The following DMPK variants were observed in gnomAD, a reference collection of about 807,000 sequenced individuals.
DMPK encodes DM1 protein kinase.
In DMPK, 32 loss-of-function variants were observed where a neutral mutation model predicts 70.3. The observed-to-expected ratio is 0.46, with a 90% CI of 0.34 to 0.61. The LOEUF (loss-of-function observed/expected upper bound fraction) is 0.61, where lower values mean the gene tolerates loss of function less well. Among genes scored for constraint, DMPK ranks in the 20% least tolerant of loss-of-function variants. The pLI is 0.01. For missense variants in DMPK, 899 were observed against 886.0 expected, an observed-to-expected ratio of 1.01 and a Z score of -0.19; for synonymous variants, 469 against 390.9, an observed-to-expected ratio of 1.20 and a Z score of -2.36.
intron 10 of DMPK, among the ~76,000 whole-genome samples, 183 bp from the exon 11 acceptor site, chr19:45,772,111 T>A (rs1190435287): frequency 1.4e-5 from 2 of 148,084 alleles, no homozygotes; most frequent in African/African-American, 5.0e-5. Flanking sequence ...CTCAGCCCCA[T>A]CCCTGAGTCT....
chr19:45,770,872 C>T (rs1969366440), intron 14 of DMPK, 99 bp downstream of exon 14: 1 of 1,062,518 alleles, frequency 9.4e-7, no homozygotes, highest in Non-Finnish European at 1.3e-6. Context: ...GCCCTCCTGC[C>T]GTGGGCCCAG....
In DMPK at chr19:45,769,739, T is replaced by A. The variant is rs1238034130; in HGVS notation, c.*749A>T. On this transcript the variant is annotated 3_prime_UTR_variant, in exon 15 of 15. Coordinates refer to ENST00000291270, the MANE Select transcript of DMPK (RefSeq NM_004409.5). ...AGCTTTGGGCAGATGGAGGGCCTTT[T>A]ATTCGCGAGGGTCGGGGGTGGGGGT... The A allele has an allele frequency of 6.5e-6, 1 of 152,746 alleles. No homozygotes were observed. The highest frequency in any genetic ancestry group is 1.6e-4 in the South Asian group (1 of 6,420). 9.5% of individuals were successfully genotyped at this position (152,746 alleles called of 1,614,324 possible).
rs749533341 is a variant in DMPK, at chr19:45,771,572, G to A, written c.1596C>T (p.Ala532=). 1 of 1,613,988 alleles carries A rather than the reference G, an allele frequency of 6.2e-7. No homozygotes were observed. Among genetic ancestry groups the A allele is most frequent in the Non-Finnish European group, 8.5e-7 (1 of 1,179,966 alleles). ...ERMELLQAEG[A]TAVTGVPSPR... is the part of the protein sequence containing the mutation. ...GGGGACACATGAGGGACTCACCTGT[G>A]GCTCCCTCTGCCTGCAGCAACTCCA... The change falls in exon 12 of 15, where the codon GCC becomes GCT. Residue 532 remains alanine, a synonymous_variant. Coordinates refer to ENST00000291270, the MANE Select transcript of DMPK (RefSeq NM_004409.5).
At position 45,771,759 on chromosome 19, in the gene DMPK, C is replaced by T. The variant is rs568124260; in HGVS notation, c.1502+12G>A. The T allele has an allele frequency of 1.4e-5, 22 of 1,583,988 alleles. No homozygotes were observed. The African/African-American group carries it at 2.0e-4, about 15-fold the overall frequency. On this transcript the variant is annotated intron_variant, in intron 11 of 14. Coordinates refer to ENST00000291270, the MANE Select transcript of DMPK (RefSeq NM_004409.5). ...CCCGCATCCCGGCCCCGGCCCCGGC[C>T]CCGATCCCGACCTGGCGAAGTTCTG...
chr19:45,777,838 G>A lies in DMPK; in HGVS notation c.711C>T (p.Tyr237=), dbSNP rs774037322. ...RSLVAVGTPD[Y]LSPEILQAVG... ...CAGCCTGCAGGATCTCGGGGGACAG[G>A]TAGTCTGGGGTGCCCACAGCCACCA... Residue 237 remains tyrosine (Y), a synonymous_variant, in exon 7 of 15, where the codon TAC becomes TAT. Transcript: ENST00000291270. The surrounding 1 kb of genome is among the most constrained non-coding windows in gnomAD (Gnocchi z 6.7). The A allele has an allele frequency of 1.2e-6, 2 of 1,610,838 alleles. No individual in the cohort carries two copies. Among genetic ancestry groups the A allele is most frequent in the African/African-American group, 2.7e-5 (2 of 74,924 alleles).
At chr19:45,776,728 G>A (rs1969792681) in intron 8 of DMPK, 1 of 152,816 alleles carries the variant, frequency 6.5e-6, no homozygotes, top group African/African-American at 2.4e-5. Flanking sequence ...CCAAATTGCT[G>A]GGGTTACAGG....
At chr19:45,773,041 T>G (rs1023123631) in intron 9 of DMPK, among the ~76,000 whole-genome samples, 1 of 152,180 alleles carries the variant, frequency 6.6e-6, no homozygotes, top group Non-Finnish European at 1.5e-5. Context: ...GCTCATCTCC[T>G]CCCTTGACAT....
chr19:45,772,435 C>A (rs999922186), intron 10 of DMPK: 1 of 458,984 alleles, frequency 2.2e-6, no homozygotes, highest in Non-Finnish European at 3.8e-6. Flanking sequence ...CTTCTCAGAT[C>A]CCCAGCAACA....
In DMPK at chr19:45,770,973, T is replaced by A. The variant is rs928934090; in HGVS notation, c.1735A>T (p.Arg579Trp). The A allele has an allele frequency of 1.4e-6, 2 of 1,426,438 alleles. No individual in the cohort carries two copies. The highest frequency in any genetic ancestry group is 9.1e-7 in the Non-Finnish European group (1 of 1,095,122). The allele number at this position is 1,426,438 out of a possible 1,614,324, so 88.4% of individuals were successfully genotyped here. A position where few individuals can be genotyped will look rare whatever the true frequency, so the allele number is the denominator to read the frequency against. The change falls in exon 14 of 15, where the codon AGG (arginine) becomes TGG (tryptophan). Residue 579 changes from arginine to tryptophan, a missense_variant and splice_region_variant. Transcript: ENST00000291270. Reference sequence around the variant, plus strand: ...GGGGCGTGGGCAGCCGGACGTACCCTGGCAGGGAGCAGCAGGTGGCGGCGG... The same window carrying A: ...GGGGCGTGGGCAGCCGGACGTACCCAGGCAGGGAGCAGCAGGTGGCGGCGG... Reference protein sequence around the residue: ...MHRRHLLLPARVPRPGLSEAL... With the variant: ...MHRRHLLLPAWVPRPGLSEAL...
chr19:45,773,210 G>A (rs949715986), intron 9 of DMPK, among the ~76,000 whole-genome samples: 3 of 152,178 alleles, frequency 2.0e-5, no homozygotes, highest in African/African-American at 7.2e-5. Flanking sequence ...CTCAGCTGTG[G>A]GAAGGGGACA....
At chr19:45,779,966 T>G (rs1183114977) in intron 1 of DMPK, 97 bp from the exon 2 acceptor site, 2 of 1,585,976 alleles carry the variant, frequency 1.3e-6, no homozygotes, top group African/African-American at 2.7e-5. Context: ...CCCTTCTCTC[T>G]GCCTCTCAGC....
chr19:45,775,110 T>C (rs982400603), intron 8 of DMPK, 76 bp from the exon 9 acceptor site: 8 of 1,207,450 alleles, frequency 6.6e-6, no homozygotes, highest in Admixed American at 1.9e-5. Context: ...GGCTTACATG[T>C]TCCCCCCAAA....
intron 10 of DMPK, 128 bp downstream of exon 10, chr19:45,772,513 C>T (rs1969523596): frequency 1.7e-6 from 1 of 577,674 alleles, no homozygotes; most frequent in East Asian, 3.5e-5. Context: ...AACCTCGTCT[C>T]TCCGTGGTTT....
rs994886173 is a variant in DMPK at position 45,771,687 on chromosome 19, G to A, written c.1503-22C>T. Reference sequence around the variant, plus strand: ...TTGACTGTGGGGAGGTAAGGACGGTGAGTCCGTCCGGGCCGGACGAGAGGG... The same window carrying A: ...TTGACTGTGGGGAGGTAAGGACGGTAAGTCCGTCCGGGCCGGACGAGAGGG... On this transcript the variant is annotated intron_variant, in intron 11 of 14. Transcript: ENST00000291270. 20 of 1,613,244 alleles carry A rather than the reference G, an allele frequency of 1.2e-5. No individual in the cohort carries two copies. The African/African-American group carries it at 2.1e-4, about 17-fold the overall frequency.
chr19:45,775,077 G>T (rs752005444), intron 8 of DMPK, 43 bp from the exon 9 acceptor site: 3 of 1,495,972 alleles, frequency 2.0e-6, no homozygotes, highest in Non-Finnish European at 2.8e-6. Context: ...GTCAGGGCGG[G>T]CCCCTCACTG....
intron 10 of DMPK, 94 bp from the exon 11 acceptor site, chr19:45,772,022 C>T (rs1011093672): frequency 1.3e-5 from 19 of 1,427,644 alleles, no homozygotes; most frequent in Non-Finnish European, 1.8e-5. Flanking sequence ...TGTTTATCCC[C>T]TACTCCTCCG....
chr19:45,770,626 G>A lies in DMPK; in HGVS notation c.1752C>T (p.Gly584=), dbSNP rs765695758. 19 of 1,552,352 alleles carry A rather than the reference G, an allele frequency of 1.2e-5. No homozygotes were observed. In the South Asian group the frequency reaches 2.0e-4, roughly 17 times the overall value. Residue 584 remains glycine, a synonymous_variant, in exon 15 of 15, where the codon GGC becomes GGT. Coordinates refer to ENST00000291270, the MANE Select transcript of DMPK (RefSeq NM_004409.5). ...GGAGCAGGGAAAGCGCCTCCGATAG[G>A]CCAGGCCTAGGGACCTGCGGGGAGA... ...LLLPARVPRP[G]LSEALSLLLF...
In DMPK at chr19:45,782,187, A is replaced by G. The variant is rs1173621590; in HGVS notation, c.160+6T>C. 3 of 1,212,174 alleles carry G rather than the reference A, an allele frequency of 2.5e-6. No individual in the cohort carries two copies. The Admixed American group carries it at 8.2e-5, about 33-fold the overall frequency. The allele number at this position is 1,212,174 out of a possible 1,614,324, so 75.1% of individuals were successfully genotyped here. A position where few individuals can be genotyped will look rare whatever the true frequency, so the allele number is the denominator to read the frequency against. On this transcript the variant is annotated splice_donor_region_variant and intron_variant, in intron 1 of 14. Coordinates refer to ENST00000291270, the MANE Select transcript of DMPK (RefSeq NM_004409.5). ...ATCTGCAGGAGCCCCGAGGGTAGGC[A>G]CTCACCCCACTGCAAGAAGTCGGCC...
rs1252446186 is a variant in DMPK, at chr19:45,770,508, C to T, written c.1870G>A (p.Gly624Arg). The T allele has an allele frequency of 6.4e-7, 1 of 1,550,472 alleles. No individual in the cohort carries two copies. The highest frequency in any genetic ancestry group is 8.7e-7 in the Non-Finnish European group (1 of 1,146,806). The part of the protein sequence containing the change: ...GQLTAVWRRP[G>R]AARAP ...AGGGTTCAGGGAGCGCGGGCGGCTC[C>T]TGGGCGGCGCCAGACTGCGGTGAGT... Residue 624 changes from glycine (G) to arginine (R), a missense_variant, in exon 15 of 15, where the codon GGA (glycine) becomes AGA (arginine). Coordinates refer to ENST00000291270, the MANE Select transcript of DMPK (RefSeq NM_004409.5).
Sources: allele counts gnomAD v4.1 joint callset (sites outside exome capture counted in the v4.1 genomes callset), GRCh38; gene constraint gnomAD v4.1.1; non-coding constraint Gnocchi (gnomAD v3.1); transcripts MANE v1.5; gene names NCBI Gene and HGNC (gene_info 2026-07-23, HGNC 2026-07-21).